ATG7: variants seen among roughly 807,000 people sequenced by gnomAD.
ATG7 encodes the protein ubiquitin-like modifier-activating enzyme ATG7.
In ATG7, 70 loss-of-function variants were observed where a neutral mutation model predicts 82.4. The ratio of observed to expected loss-of-function variants is 0.85; its 90% CI spans 0.70 to 1.04. The LOEUF (loss-of-function observed/expected upper bound fraction) is 1.04. ATG7 is among the 50% of genes least tolerant of loss of function. The pLI, the probability that ATG7 is intolerant of heterozygous loss-of-function variation, is 0.00. For missense variants in ATG7, 792 were observed against 864.3 expected (o/e 0.92, Z 1.05); for synonymous variants, 287 against 313.0 (o/e 0.92, Z 0.88).
chr3:11,303,290 C>A (rs1247510627), intron 5 of ATG7, among the ~76,000 whole-genome samples: 1 of 152,158 alleles, frequency 6.6e-6, no homozygotes, highest in African/African-American at 2.4e-5. Context: ...CCAGCTAAAA[C>A]GTTATGTGTG....
chr3:11,287,301 C>T (rs779213005), intron 3 of ATG7, among the ~76,000 whole-genome samples: 3 of 152,106 alleles, frequency 2.0e-5, no homozygotes, highest in Non-Finnish European at 2.9e-5. Context: ...TGAAGACAGG[C>T]GAGGCACCTC....
At chr3:11,392,476 AAAAC>A (rs977885883) in intron 19 of ATG7, among the ~76,000 whole-genome samples, 1 of 151,516 alleles carries the variant, frequency 6.6e-6, no homozygotes, top group African/African-American at 2.4e-5. Context: ...ACAAACAAAA[AAAAC>A]AAAACAAAAC....
At chr3:11,366,485 A>G (rs758434917) in intron 18 of ATG7, among the ~76,000 whole-genome samples, 5 of 152,170 alleles carry the variant, frequency 3.3e-5, no homozygotes, top group Non-Finnish European at 7.3e-5. Flanking sequence ...ATCTATCATA[A>G]GGAAGCTGAT....
At chr3:11,421,310 C>T (rs542870185) in intron 19 of ATG7, among the ~76,000 whole-genome samples, 2 of 152,142 alleles carry the variant, frequency 1.3e-5, no homozygotes, top group East Asian at 3.9e-4. Flanking sequence ...CACAGCAGAA[C>T]GTCTTTAAAA....
intron 9 of ATG7, among the ~76,000 whole-genome samples, chr3:11,330,297 A>G (rs929142352): frequency 6.6e-6 from 1 of 152,170 alleles, no homozygotes; most frequent in African/African-American, 2.4e-5. Flanking sequence ...TTGCTTATAT[A>G]GTTTGGAAAT....
At chr3:11,482,771 C>G (rs1421189155) in intron 20 of ATG7, among the ~76,000 whole-genome samples, 1 of 151,734 alleles carries the variant, frequency 6.6e-6, no homozygotes, top group African/African-American at 2.4e-5. Flanking sequence ...GCTTTTCAAC[C>G]CTTTTATTAT....
rs36042370 is a variant in ATG7 at position 11,546,162 on chromosome 3, A to ATTTTTTT, written c.2080-8628_2080-8622dup. Among the ~76,000 whole-genome samples the ATTTTTTT allele has an allele frequency of 4.2e-4, 29 of 68,894 alleles. 1 individual carries two copies. The highest frequency in any genetic ancestry group is 1.5e-3 in the African/African-American group (26 of 17,076). The allele number at this position is 68,894 out of a possible 152,430, so 45.2% of individuals were successfully genotyped here. ...AAAAGTAAAGAAATGCCAAAACTGG[A>ATTTTTTT]TTTTTTTTTTTTTTTTTTTTTTTTT... On this transcript the variant is annotated intron_variant, in intron 20 of 20. Coordinates refer to ENST00000693202, the MANE Select transcript of ATG7 (RefSeq NM_001349232.2).
chr3:11,564,843 CTGCTGGCGT>C, the ATG7 span: 6 of 1,602,302 alleles, frequency 3.7e-6, no homozygotes, highest in Non-Finnish European at 5.1e-6. Context: ...GCCGGCTGGC[CTGCTGGCGT>C]CCAGGCTGTT....
At position 11,554,922 on chromosome 3, in the gene ATG7, C is replaced by T; in HGVS notation, c.*79C>T. ...CATCGCCAGAGCAGGACTGCTGACC[C>T]CAGGCCTGGTGATTCTGGGCCCCTC... On this transcript the variant is annotated 3_prime_UTR_variant, in exon 21 of 21. Coordinates refer to ENST00000693202, the MANE Select transcript of ATG7 (RefSeq NM_001349232.2). The T allele has an allele frequency of 6.5e-7, 1 of 1,540,724 alleles. No homozygotes were observed. Among genetic ancestry groups the T allele is most frequent in the Non-Finnish European group, 8.8e-7 (1 of 1,137,152 alleles).
At chr3:11,319,826 T>C (rs1949974226) in intron 9 of ATG7, among the ~76,000 whole-genome samples, 1 of 152,180 alleles carries the variant, frequency 6.6e-6, no homozygotes, top group Non-Finnish European at 1.5e-5. Context: ...ACCTTGCGTT[T>C]CTTCTGCCAC....
At chr3:11,430,753 T>TA (rs978898597) in intron 20 of ATG7, among the ~76,000 whole-genome samples, 1 of 152,182 alleles carries the variant, frequency 6.6e-6, no homozygotes, top group South Asian at 2.1e-4. Flanking sequence ...TCTAATGCAA[T>TA]AAAAAATGTT....
chr3:11,485,006 G>A (rs1419224944), intron 20 of ATG7, among the ~76,000 whole-genome samples: 10 of 152,238 alleles, frequency 6.6e-5, no homozygotes, highest in South Asian at 4.1e-4. Flanking sequence ...ATAAACATAC[G>A]TGTGCATGTG....
intron 20 of ATG7, among the ~76,000 whole-genome samples, chr3:11,534,863 G>A (rs1024450140): frequency 1.3e-5 from 2 of 152,238 alleles, no homozygotes; most frequent in Non-Finnish European, 2.9e-5. Flanking sequence ...TTCTTCCCCA[G>A]GCTCAGCCCA....
In ATG7 at chr3:11,431,383, C is replaced by CG. The variant is rs112706213; in HGVS notation, c.2079+4463dup. ...GCTGTTGCACTCCAGCCTGCAAGGG[C>CG]GGGGGGAAAAAAACAACCACACACA... On this transcript the variant is annotated intron_variant, in intron 20 of 20. Coordinates refer to ENST00000693202, the MANE Select transcript of ATG7 (RefSeq NM_001349232.2). 7.6e-3 allele frequency among the ~76,000 whole-genome samples: 1,156 copies of CG among 152,108 alleles called. 16 individuals are homozygous for CG. The highest frequency in any genetic ancestry group is 0.025 in the African/African-American group (1,018 of 41,506).
chr3:11,415,160 G>C (rs2152922925), intron 19 of ATG7, among the ~76,000 whole-genome samples: 1 of 152,296 alleles, frequency 6.6e-6, no homozygotes, highest in East Asian at 1.9e-4. Flanking sequence ...AAGTACTTGT[G>C]TATCTCAATG....
intron 19 of ATG7, among the ~76,000 whole-genome samples, chr3:11,425,841 C>T (rs1356256684): frequency 1.3e-5 from 2 of 152,140 alleles, no homozygotes; most frequent in East Asian, 1.9e-4. Context: ...ACTATCTTTT[C>T]TCCTAACACC....
Position 11,384,471 on chromosome 3 carries a change from G to T in ATG7, c.1956+4419G>T, listed in dbSNP as rs560012876. ...ATGGGTTATGATTAAACTCCTCAAA[G>T]TGACTTGCTATTAGCTTTCTGTGTG... On this transcript the variant is annotated intron_variant, in intron 19 of 20. Coordinates refer to ENST00000693202, the MANE Select transcript of ATG7 (RefSeq NM_001349232.2). 2.6e-5 allele frequency among the ~76,000 whole-genome samples: 4 copies of T among 152,292 alleles called. No homozygotes were observed. The South Asian group carries it at 8.3e-4, about 32-fold the overall frequency.
intron 20 of ATG7, 74 bp downstream of exon 20, chr3:11,427,000 G>A: frequency 6.9e-7 from 1 of 1,450,312 alleles, no homozygotes; most frequent in Non-Finnish European, 9.1e-7. Flanking sequence ...ATATGGAAAA[G>A]GAAGAAAGCA....
the ATG7 span, among the ~76,000 whole-genome samples, chr3:11,574,481 G>A: frequency 6.6e-6 from 1 of 152,276 alleles, no homozygotes; most frequent in Non-Finnish European, 1.5e-5. Context: ...GAGTTCCAGA[G>A]GCTGGGAAGG....
Sources: gnomAD v4.1 joint callset for allele counts (sites outside exome capture counted in the v4.1 genomes callset) on GRCh38, gnomAD v4.1.1 for gene constraint, MANE v1.5 for transcripts, NCBI Gene and HGNC (gene_info 2026-07-23, HGNC 2026-07-21) for gene names.